The following TTBK2 variants were observed in gnomAD, a reference collection of about 807,000 sequenced individuals.
The protein encoded by TTBK2 is tau-tubulin kinase 2.
TTBK2 carries 28 observed loss-of-function variants against 110.8 expected under a neutral mutation model. The observed-to-expected ratio is 0.25, with a 90% CI of 0.19 to 0.35. The LOEUF (loss-of-function observed/expected upper bound fraction) is 0.35. Ranked by LOEUF, TTBK2 falls within the 10% of genes least tolerant of loss-of-function variation. The pLI is 1.00. For synonymous variants in TTBK2, 532 were observed against 527.3 expected (o/e 1.01, Z -0.12); for missense variants, 1,369 against 1,500.3 (o/e 0.91, Z 1.45).
chr15:42,809,997 T>C (rs1471272126), intron 9 of TTBK2, among the ~76,000 whole-genome samples: 1 of 152,220 alleles, frequency 6.6e-6, no homozygotes, highest in Admixed American at 6.5e-5. Flanking sequence ...TGTGGCCGCA[T>C]TTATGTTTTC....
chr15:42,890,273 C>A (rs1895404970), intron 1 of TTBK2, among the ~76,000 whole-genome samples: 1 of 152,208 alleles, frequency 6.6e-6, no homozygotes. Context: ...TCGGACTCAG[C>A]CTACCTGCAC....
intron 9 of TTBK2, among the ~76,000 whole-genome samples, chr15:42,806,315 C>T (rs925924276): frequency 6.6e-6 from 1 of 152,162 alleles, no homozygotes; most frequent in African/African-American, 2.4e-5. Context: ...TATTTCTTTC[C>T]AAGGCACAGC....
chr15:42,800,915 C>T, intron 9 of TTBK2: 1 of 679,422 alleles, frequency 1.5e-6, no homozygotes, highest in East Asian at 2.5e-5. Flanking sequence ...CAGTGGCCTC[C>T]CTCCTAGGCT....
At chr15:42,893,938 T>C (rs1895567781) in intron 1 of TTBK2, among the ~76,000 whole-genome samples, 1 of 152,110 alleles carries the variant, frequency 6.6e-6, no homozygotes, top group Non-Finnish European at 1.5e-5. Context: ...ATAGTCCTAC[T>C]AAAAAAATAT....
At chr15:42,793,900 A>T (rs1403594752) in intron 10 of TTBK2, among the ~76,000 whole-genome samples, 1 of 152,048 alleles carries the variant, frequency 6.6e-6, no homozygotes, top group Non-Finnish European at 1.5e-5. Flanking sequence ...CTTAAATTGT[A>T]TGATAATTTG....
At chr15:42,849,756 G>A (rs1331477709) in intron 3 of TTBK2, among the ~76,000 whole-genome samples, 3 of 152,102 alleles carry the variant, frequency 2.0e-5, no homozygotes, top group Non-Finnish European at 4.4e-5. Flanking sequence ...TTGGGATGTG[G>A]GCAGTGGTCT....
chr15:42,879,797 G>A (rs1894965876), intron 1 of TTBK2, among the ~76,000 whole-genome samples: 1 of 152,020 alleles, frequency 6.6e-6, no homozygotes, highest in African/African-American at 2.4e-5. Flanking sequence ...GGGAGTTTGA[G>A]ACCAGCCTAG....
intron 10 of TTBK2, among the ~76,000 whole-genome samples, chr15:42,784,209 T>C (rs1168084065): frequency 6.6e-6 from 1 of 152,234 alleles, no homozygotes; most frequent in Non-Finnish European, 1.5e-5. Context: ...ACACCCTAAT[T>C]TGACAATCAC....
intron 1 of TTBK2, among the ~76,000 whole-genome samples, chr15:42,914,827 C>T (rs930949899): frequency 6.6e-6 from 1 of 152,174 alleles, no homozygotes; most frequent in African/African-American, 2.4e-5. Context: ...GAAACAGAAA[C>T]TTCTTCCCTG....
At position 42,739,298 on chromosome 15, in the gene TTBK2, A is replaced by G. The variant is rs2061736435; in HGVS notation, c.*6497T>C. The G allele has an allele frequency of 6.6e-6, 1 of 152,220 alleles. No individual in the cohort carries two copies. The highest frequency in any genetic ancestry group is 6.5e-5 in the Admixed American group (1 of 15,288). 9.4% of individuals were successfully genotyped at this position (152,220 alleles called of 1,614,324 possible). A position where few individuals can be genotyped will look rare whatever the true frequency, so the allele number is the denominator to read the frequency against. ...GGAAGAGGAGAAGAGAGGGAGAGAA[A>G]AGTGGAATTATTAAAGTCATCTAAC... On this transcript the variant is annotated 3_prime_UTR_variant, in exon 15 of 15. Coordinates refer to ENST00000267890, the MANE Select transcript of TTBK2 (RefSeq NM_173500.4).
chr15:42,751,079 A>ATT (rs1224943545), intron 14 of TTBK2, among the ~76,000 whole-genome samples: 1 of 152,234 alleles, frequency 6.6e-6, no homozygotes, highest in Non-Finnish European at 1.5e-5. Flanking sequence ...TGCTAAAGGG[A>ATT]GTCCTGTAGG....
At chr15:42,901,314 A>G (rs1332838349) in intron 1 of TTBK2, among the ~76,000 whole-genome samples, 1 of 151,976 alleles carries the variant, frequency 6.6e-6, no homozygotes, top group Non-Finnish European at 1.5e-5. Context: ...GTGAGCTGAG[A>G]TCACACCATT....
rs751381694 is a variant in TTBK2 at position 42,745,960 on chromosome 15, T to A, written c.3570A>T (p.Ser1190=). 1 of 1,613,372 alleles carries A rather than the reference T, an allele frequency of 6.2e-7. No homozygotes were observed. Among genetic ancestry groups the A allele is most frequent in the Non-Finnish European group, 8.5e-7 (1 of 1,179,858 alleles). ...AGGAAGATCCTGAGTGGCTGGGAGG[T>A]GACTTGCTTCTCCCCAGATGTGGGG... ...SSSPHLGRSK[S]PPSHSGSSSS... is the part of the protein sequence containing the mutation. Residue 1190 remains serine (S), a synonymous_variant, in exon 15 of 15, where the codon TCA becomes TCT. Coordinates refer to ENST00000267890, the MANE Select transcript of TTBK2 (RefSeq NM_173500.4).
In TTBK2 at chr15:42,907,976, C is replaced by A. The variant is rs189618809; in HGVS notation, c.-68+12462G>T. On this transcript the variant is annotated intron_variant, in intron 1 of 14. Coordinates refer to ENST00000267890, the MANE Select transcript of TTBK2 (RefSeq NM_173500.4). The stretch of plus-strand genomic sequence containing the variant: ...TGGCATGTGCCTGTGGTCCCAGCTA[C>A]TCAGGAGGCTGAGGTGGGAAGATTC... Among the ~76,000 whole-genome samples, 304 of 151,966 alleles carry A rather than the reference C, an allele frequency of 2.0e-3. 1 individual carries two copies. Among genetic ancestry groups the A allele is most frequent in the Middle Eastern group, 3.4e-3 (1 of 294 alleles).
At chr15:42,881,282 CAAAAAAAAAAAA>C (rs10717895) in intron 1 of TTBK2, among the ~76,000 whole-genome samples, 1 of 43,470 alleles carries the variant, frequency 2.3e-5, no homozygotes, top group Non-Finnish European at 4.3e-5. Flanking sequence ...GCTTCCGTCT[CAAAAAAAAAAAA>C]AAAAAAAAAA....
chr15:42,761,955 A>T (rs1329275526), intron 13 of TTBK2, among the ~76,000 whole-genome samples: 1 of 152,178 alleles, frequency 6.6e-6, no homozygotes, highest in Non-Finnish European at 1.5e-5. Flanking sequence ...GGTCTTTCTC[A>T]TGCTGTTCTC....
At chr15:42,829,550 G>T (rs1892664531) in intron 5 of TTBK2, among the ~76,000 whole-genome samples, 3 of 152,150 alleles carry the variant, frequency 2.0e-5, no homozygotes, top group South Asian at 4.1e-4. Flanking sequence ...AAGAGACAGG[G>T]TCTCACTATG....
chr15:42,818,571 T>A (rs1892143517), intron 6 of TTBK2, among the ~76,000 whole-genome samples: 1 of 151,658 alleles, frequency 6.6e-6, no homozygotes, highest in Admixed American at 6.6e-5. Flanking sequence ...TACAAAAAAA[T>A]TAGCCGGGTG....
chr15:42,892,290 T>A (rs1895487908), intron 1 of TTBK2, among the ~76,000 whole-genome samples: 1 of 152,214 alleles, frequency 6.6e-6, no homozygotes, highest in Non-Finnish European at 1.5e-5. Context: ...TTATTGGAAC[T>A]AAGCCATGCT....
Sources: allele counts gnomAD v4.1 joint callset (sites outside exome capture counted in the v4.1 genomes callset), GRCh38; gene constraint gnomAD v4.1.1; transcripts MANE v1.5; gene names NCBI Gene and HGNC (gene_info 2026-07-23, HGNC 2026-07-21).